The following LRRTM4 variants were observed in gnomAD, a reference collection of about 807,000 sequenced individuals.
The protein encoded by LRRTM4 is leucine rich repeat transmembrane neuronal 4.
Under a neutral mutation model 47.6 loss-of-function variants are expected in LRRTM4, and 25 were observed. The ratio of observed to expected loss-of-function variants is 0.53; its 90% CI spans 0.38 to 0.73. The LOEUF is 0.73. Among genes scored for constraint, LRRTM4 ranks in the 30% least tolerant of loss-of-function variants. The probability of loss-of-function intolerance (pLI) is 0.00; values close to 1 mark genes in which losing one functional copy is unlikely to be tolerated. For synonymous variants in LRRTM4, 311 were observed against 269.5 expected, an observed-to-expected ratio of 1.15 and a Z score of -1.51; for missense variants, 638 against 713.4, an observed-to-expected ratio of 0.89 and a Z score of 1.20.
At chr2:76,870,611 C>G (rs917007755) in intron 3 of LRRTM4, among the ~76,000 whole-genome samples, 1 of 152,114 alleles carries the variant, frequency 6.6e-6, no homozygotes, top group Non-Finnish European at 1.5e-5. Context: ...CAGGCCTATA[C>G]CTTTCCTAAT....
intron 3 of LRRTM4, among the ~76,000 whole-genome samples, chr2:76,807,832 C>A (rs1375265586): frequency 6.6e-6 from 1 of 151,292 alleles, no homozygotes; most frequent in Non-Finnish European, 1.5e-5. Flanking sequence ...CCGCCTGCCC[C>A]AGCCTCCCAA....
intron 3 of LRRTM4, among the ~76,000 whole-genome samples, chr2:76,812,712 CT>C (rs1226962967): frequency 7.1e-6 from 1 of 141,734 alleles, no homozygotes; most frequent in Non-Finnish European, 1.5e-5. Flanking sequence ...TTCTTTATTT[CT>C]TTTTCTTTCT....
chr2:76,989,914 A>C (rs1206735589), intron 3 of LRRTM4: 1 of 151,868 alleles, frequency 6.6e-6, no homozygotes. Flanking sequence ...CAGATAAAGT[A>C]CATGGCACAA....
intron 3 of LRRTM4, among the ~76,000 whole-genome samples, chr2:77,057,154 T>G (rs13397044): frequency 6.6e-6 from 1 of 152,060 alleles, no homozygotes; most frequent in Non-Finnish European, 1.5e-5. Flanking sequence ...TGCTGATCCC[T>G]GATTCAAAAC....
intron 3 of LRRTM4, among the ~76,000 whole-genome samples, chr2:77,105,306 G>A (rs544019597): frequency 1.3e-5 from 2 of 152,066 alleles, no homozygotes; most frequent in East Asian, 3.9e-4. Context: ...ATTAAAAAAA[G>A]AATCCAGTCT....
intron 3 of LRRTM4, among the ~76,000 whole-genome samples, chr2:77,308,212 G>C (rs543802584): frequency 1.0e-4 from 15 of 150,154 alleles, no homozygotes; most frequent in Admixed American, 8.0e-4. Flanking sequence ...TAAAATATTT[G>C]GTATGAAATA....
At chr2:77,514,964 C>A (rs1955404) in intron 3 of LRRTM4, among the ~76,000 whole-genome samples, 58,782 of 151,592 alleles carry the variant, frequency 0.39, 11,914 homozygotes, top group Middle Eastern at 0.49. Flanking sequence ...AGCTATTTTT[C>A]AAAGTAAATA....
intron 3 of LRRTM4, among the ~76,000 whole-genome samples, chr2:77,189,397 T>C (rs567398694): frequency 6.6e-6 from 1 of 152,300 alleles, no homozygotes; most frequent in Non-Finnish European, 1.5e-5. Context: ...GACTAAAGGT[T>C]TGTGTCCCTC....
At chr2:77,382,391 G>A (rs1345165837) in intron 3 of LRRTM4, among the ~76,000 whole-genome samples, 2 of 152,018 alleles carry the variant, frequency 1.3e-5, no homozygotes, top group African/African-American at 4.8e-5. Flanking sequence ...TGGATAAAGG[G>A]AATTATCTGT....
chr2:77,370,857 C>T (rs1672630668), intron 3 of LRRTM4, among the ~76,000 whole-genome samples: 1 of 151,624 alleles, frequency 6.6e-6, no homozygotes, highest in Non-Finnish European at 1.5e-5. Context: ...TCTTTAGTGA[C>T]ATGGTCTGGC....
chr2:77,079,751 G>A (rs180806141), intron 3 of LRRTM4, among the ~76,000 whole-genome samples: 1 of 152,204 alleles, frequency 6.6e-6, no homozygotes, highest in Non-Finnish European at 1.5e-5. Flanking sequence ...AGTTAGGTAA[G>A]TGCTATTTAT....
chr2:77,218,392 C>G (rs1330179343), intron 3 of LRRTM4, among the ~76,000 whole-genome samples: 1 of 151,974 alleles, frequency 6.6e-6, no homozygotes, highest in African/African-American at 2.4e-5. Context: ...ATCTTTGATG[C>G]AAGTTTTCTG....
intron 3 of LRRTM4, among the ~76,000 whole-genome samples, chr2:77,320,866 T>C (rs1677768362): frequency 6.6e-6 from 1 of 152,066 alleles, no homozygotes. Flanking sequence ...ACATAGAACA[T>C]TTAAATAAAT....
chr2:77,062,635 A>G (rs1297362795), intron 3 of LRRTM4, among the ~76,000 whole-genome samples: 1 of 152,166 alleles, frequency 6.6e-6, no homozygotes, highest in Non-Finnish European at 1.5e-5. Flanking sequence ...GAGGAGAGGC[A>G]GGACTTAGAT....
chr2:77,438,788 A>G (rs993655393), intron 3 of LRRTM4, among the ~76,000 whole-genome samples: 3 of 152,208 alleles, frequency 2.0e-5, no homozygotes, highest in African/African-American at 7.2e-5. Context: ...ATGCAAATAC[A>G]TATCCAACTG....
chr2:76,936,818 G>C (rs1433281963), intron 3 of LRRTM4, among the ~76,000 whole-genome samples: 1 of 150,854 alleles, frequency 6.6e-6, no homozygotes, highest in Non-Finnish European at 1.5e-5. Context: ...GCTGGGCGTG[G>C]TGGCAGGCAA....
intron 3 of LRRTM4, among the ~76,000 whole-genome samples, chr2:77,168,444 C>T (rs1256265942): frequency 6.6e-6 from 1 of 151,846 alleles, no homozygotes; most frequent in Admixed American, 6.6e-5. Context: ...AATAATTATA[C>T]ATATTTATGG....
At chr2:77,413,601 A>C (rs567183252) in intron 3 of LRRTM4, among the ~76,000 whole-genome samples, 1 of 152,304 alleles carries the variant, frequency 6.6e-6, no homozygotes, top group African/African-American at 2.4e-5. Context: ...TAAATGTAAC[A>C]ATTAGAAGGG....
chr2:77,275,692 C>T (rs1676326971), intron 3 of LRRTM4, among the ~76,000 whole-genome samples: 2 of 152,084 alleles, frequency 1.3e-5, no homozygotes, highest in African/African-American at 4.8e-5. Flanking sequence ...CTCACCTGGA[C>T]TGGCCTTTAC....
Sources: allele counts gnomAD v4.1 joint callset (sites outside exome capture counted in the v4.1 genomes callset), GRCh38; gene constraint gnomAD v4.1.1; transcripts MANE v1.5; gene names NCBI Gene and HGNC (gene_info 2026-07-23, HGNC 2026-07-21).